The following HEMK2 variants were observed in gnomAD, a reference collection of about 807,000 sequenced individuals.
HEMK2 encodes methyltransferase HEMK2.
chr21:28,856,110 C>G, the HEMK2 span, among the ~76,000 whole-genome samples: 1 of 152,088 alleles, frequency 6.6e-6, no homozygotes, highest in Admixed American at 6.5e-5. Flanking sequence ...GCACCTTTGG[C>G]AGCTTTTTTA....
the HEMK2 span, chr21:28,876,348 C>A: frequency 1.0e-4 from 137 of 1,338,490 alleles, no homozygotes; most frequent in Non-Finnish European, 1.4e-4. Context: ...ATGCTAAATG[C>A]ATTCAGTTTC....
At chr21:28,614,818 A>T in the HEMK2 span, among the ~76,000 whole-genome samples, 1 of 151,986 alleles carries the variant, frequency 6.6e-6, no homozygotes, top group East Asian at 1.9e-4. Flanking sequence ...CTAACACAGC[A>T]GCCTCTAAGG....
At chr21:28,615,820 G>A in the HEMK2 span, among the ~76,000 whole-genome samples, 3 of 152,064 alleles carry the variant, frequency 2.0e-5, no homozygotes, top group African/African-American at 2.4e-5. Context: ...AAGGCTTAAC[G>A]ATTGCTTTCA....
the HEMK2 span, among the ~76,000 whole-genome samples, chr21:28,791,120 T>A: frequency 1.3e-5 from 2 of 152,308 alleles, no homozygotes; most frequent in South Asian, 4.1e-4. Context: ...CAACCTTGGC[T>A]GCATGTTAAT....
the HEMK2 span, among the ~76,000 whole-genome samples, chr21:28,772,850 C>G: frequency 6.6e-6 from 1 of 151,138 alleles, no homozygotes; most frequent in Middle Eastern, 3.4e-3. Context: ...TTGTCTCTGT[C>G]TTTCTTCTTT....
chr21:28,856,342 G>A, the HEMK2 span, among the ~76,000 whole-genome samples: 1 of 152,026 alleles, frequency 6.6e-6, no homozygotes, highest in East Asian at 1.9e-4. Context: ...TTCAACCTGG[G>A]AGGTGGAGGT....
At chr21:28,582,334 AT>A in the HEMK2 span, among the ~76,000 whole-genome samples, 206 of 152,082 alleles carry the variant, frequency 1.4e-3, 1 homozygote, top group African/African-American at 4.7e-3. Context: ...TATTAATATC[AT>A]TTTTTTTCTC....
the HEMK2 span, among the ~76,000 whole-genome samples, chr21:28,722,912 A>C: frequency 6.6e-6 from 1 of 151,490 alleles, no homozygotes; most frequent in Non-Finnish European, 1.5e-5. Flanking sequence ...AACAAACAAA[A>C]AGCATCCAGA....
chr21:28,627,789 C>A, the HEMK2 span, among the ~76,000 whole-genome samples: 10 of 152,280 alleles, frequency 6.6e-5, no homozygotes, highest in East Asian at 1.7e-3. Flanking sequence ...TTTGCAACCT[C>A]CCTGCTCTTT....
At chr21:28,704,400 CT>C in the HEMK2 span, among the ~76,000 whole-genome samples, 2 of 152,078 alleles carry the variant, frequency 1.3e-5, no homozygotes, top group African/African-American at 4.8e-5. Flanking sequence ...TAAAGGTTTG[CT>C]TTTTTTACGT....
chr21:28,761,869 A>G, the HEMK2 span, among the ~76,000 whole-genome samples: 1 of 152,120 alleles, frequency 6.6e-6, no homozygotes, highest in African/African-American at 2.4e-5. Flanking sequence ...CAGCAAATTG[A>G]AAAGACGAAG....
At chr21:28,882,102 C>T in the HEMK2 span, 1 of 1,367,392 alleles carries the variant, frequency 7.3e-7, no homozygotes, top group Middle Eastern at 1.9e-4. Context: ...TTTCTTTGAC[C>T]TAAAGCATCT....
chr21:28,696,949 CG>C, the HEMK2 span, among the ~76,000 whole-genome samples: 1 of 152,146 alleles, frequency 6.6e-6, no homozygotes, highest in East Asian at 1.9e-4. Flanking sequence ...AGCTGGGACA[CG>C]GGGCACCATG....
the HEMK2 span, among the ~76,000 whole-genome samples, chr21:28,753,685 T>C: frequency 3.3e-4 from 51 of 152,322 alleles, no homozygotes; most frequent in Admixed American, 3.1e-3. Context: ...GAGTTAGCCA[T>C]ATACAGTAAT....
the HEMK2 span, among the ~76,000 whole-genome samples, chr21:28,688,088 C>T: frequency 6.6e-6 from 1 of 152,142 alleles, no homozygotes; most frequent in East Asian, 1.9e-4. Context: ...GTTAAACTGT[C>T]AAAATGCCTG....
At chr21:28,599,422 A>G in the HEMK2 span, among the ~76,000 whole-genome samples, 1 of 152,224 alleles carries the variant, frequency 6.6e-6, no homozygotes, top group Non-Finnish European at 1.5e-5. Context: ...TCATAAAACC[A>G]TCAGATCTTG....
chr21:28,803,257 G>A, the HEMK2 span, among the ~76,000 whole-genome samples: 6 of 152,058 alleles, frequency 3.9e-5, no homozygotes, highest in South Asian at 2.1e-4. Context: ...GAATATATAC[G>A]GGTGCTGATC....
chr21:28,712,537 G>C, the HEMK2 span, among the ~76,000 whole-genome samples: 1 of 152,196 alleles, frequency 6.6e-6, no homozygotes, highest in Admixed American at 6.5e-5. Flanking sequence ...AGGCTTTGAA[G>C]AATTAGTAGG....
At chr21:28,878,401 T>C in the HEMK2 span, 2 of 1,574,446 alleles carry the variant, frequency 1.3e-6, no homozygotes, top group Non-Finnish European at 1.7e-6. Flanking sequence ...CTGAATCTTT[T>C]TGACAAGTAA....
Sources: gnomAD v4.1 joint callset for allele counts (sites outside exome capture counted in the v4.1 genomes callset) on GRCh38, gnomAD v4.1.1 for gene constraint, MANE v1.5 for transcripts, NCBI Gene and HGNC (gene_info 2026-07-23, HGNC 2026-07-21) for gene names.